The following CDH11 variants were observed in gnomAD, a reference collection of about 807,000 sequenced individuals.
The protein encoded by CDH11 is cadherin-11.
CDH11 carries 11 observed loss-of-function variants against 67.8 expected under a neutral mutation model. The observed-to-expected ratio is 0.16, with a 90% confidence interval of 0.10 to 0.27. The LOEUF (loss-of-function observed/expected upper bound fraction) is 0.27. CDH11 is among the 10% of genes least tolerant of loss of function. The probability of loss-of-function intolerance (pLI) is 1.00; values close to 1 mark genes in which losing one functional copy is unlikely to be tolerated. For missense variants in CDH11, 847 were observed against 1,031.2 expected (o/e 0.82, Z 2.45); for synonymous variants, 419 against 400.0 (o/e 1.05, Z -0.57).
chr16:65,092,590 G>A (rs1597184031), intron 1 of CDH11, among the ~76,000 whole-genome samples: 1 of 152,116 alleles, frequency 6.6e-6, no homozygotes, highest in East Asian at 1.9e-4. Context: ...AGACACAAAG[G>A]AGCTGAGGAA....
At chr16:64,979,721 T>C (rs2072279114) in intron 8 of CDH11, among the ~76,000 whole-genome samples, 1 of 152,112 alleles carries the variant, frequency 6.6e-6, no homozygotes, top group African/African-American at 2.4e-5. Context: ...CACTCCTAGG[T>C]ATATGCCCAG....
intron 1 of CDH11, among the ~76,000 whole-genome samples, chr16:65,054,196 T>C (rs1311612302): frequency 6.6e-6 from 1 of 152,176 alleles, no homozygotes; most frequent in Non-Finnish European, 1.5e-5. Context: ...ACACACAACT[T>C]CTTATAACAT....
chr16:64,957,184 CT>C (rs547640992), intron 11 of CDH11, among the ~76,000 whole-genome samples: 214 of 152,210 alleles, frequency 1.4e-3, no homozygotes, highest in African/African-American at 4.9e-3. Context: ...GATGCTCTTC[CT>C]TACCAATCCT....
Position 65,088,073 on chromosome 16 carries a change from T to C in CDH11, c.-298+33807A>G, listed in dbSNP as rs572079256. On this transcript the variant is annotated intron_variant, in intron 1 of 12. Transcript: ENST00000268603. ...TATTAGAGATGGAGTTTTAGGGAAG[T>C]GGTTAAGTCATGAGGGCTCCAAGCT... Among the ~76,000 whole-genome samples, 21 of 152,228 alleles carry C rather than the reference T, an allele frequency of 1.4e-4. 1 individual carries two copies. In the South Asian group the frequency reaches 3.3e-3, roughly 24 times the overall value.
chr16:64,985,373 C>T (rs1158205879), intron 7 of CDH11: 1 of 151,938 alleles, frequency 6.6e-6, no homozygotes, highest in Non-Finnish European at 1.5e-5. Context: ...TAACATCTCC[C>T]TTGAATTTTA....
chr16:65,015,143 A>G (rs2073275076), intron 2 of CDH11, among the ~76,000 whole-genome samples: 1 of 151,680 alleles, frequency 6.6e-6, no homozygotes, highest in Admixed American at 6.6e-5. Flanking sequence ...GAGTGCTTGG[A>G]TTACAACTGT....
intron 1 of CDH11, among the ~76,000 whole-genome samples, chr16:65,074,785 A>G (rs2074480933): frequency 6.6e-6 from 1 of 152,164 alleles, no homozygotes; most frequent in Non-Finnish European, 1.5e-5. Flanking sequence ...AGTGATAAAG[A>G]CCCACATTCA....
Position 65,004,657 on chromosome 16 carries a change from G to C in CDH11, c.213C>G (p.Pro71=), listed in dbSNP as rs138717482. The C allele has an allele frequency of 3.1e-6, 5 of 1,612,814 alleles. No homozygotes were observed. In the Admixed American group the frequency reaches 8.3e-5, roughly 27 times the overall value. Residue 71 remains proline, a synonymous_variant, in exon 3 of 13, where the codon CCC becomes CCG. Transcript: ENST00000268603. ...GCAGCCTTACCCTGCCCACAAGCAC[G>C]GGGTCAGGCCCGGTGTACTCCTCTA... ...FVIEEYTGPD[P]VLVGRLHSDI...
At chr16:65,018,722 A>G (rs1432387387) in intron 2 of CDH11, among the ~76,000 whole-genome samples, 1 of 152,216 alleles carries the variant, frequency 6.6e-6, no homozygotes, top group Non-Finnish European at 1.5e-5. Context: ...TGTTTTGCTC[A>G]ATATTTATGA....
intron 1 of CDH11, among the ~76,000 whole-genome samples, chr16:65,114,387 G>A (rs1395327311): frequency 6.6e-6 from 1 of 152,114 alleles, no homozygotes. Flanking sequence ...GGAAAACTGA[G>A]GATTTAGAGT....
intron 2 of CDH11, among the ~76,000 whole-genome samples, chr16:65,051,343 A>G (rs146301959): frequency 3.7e-4 from 57 of 152,290 alleles, no homozygotes; most frequent in African/African-American, 1.3e-3. Context: ...ACTACCATCT[A>G]TTTAACAATA....
intron 1 of CDH11, among the ~76,000 whole-genome samples, chr16:65,069,314 C>A (rs1331275607): frequency 6.6e-6 from 1 of 152,202 alleles, no homozygotes; most frequent in African/African-American, 2.4e-5. Context: ...AAAAATATTT[C>A]TGACTAATTT....
chr16:65,031,018 A>AT (rs1353735707), intron 2 of CDH11, among the ~76,000 whole-genome samples: 7 of 152,216 alleles, frequency 4.6e-5, no homozygotes, highest in Non-Finnish European at 8.8e-5. Flanking sequence ...TATGGTGCTA[A>AT]TTGATTGAGG....
At chr16:65,074,763 AAG>A (rs1312777023) in intron 1 of CDH11, among the ~76,000 whole-genome samples, 3 of 152,216 alleles carry the variant, frequency 2.0e-5, no homozygotes, top group Admixed American at 2.0e-4. Context: ...AAGAAAAAGA[AAG>A]AGTTTGAGTA....
chr16:65,064,068 G>T (rs747825017), intron 1 of CDH11, among the ~76,000 whole-genome samples: 11 of 152,198 alleles, frequency 7.2e-5, no homozygotes, highest in Non-Finnish European at 1.6e-4. Flanking sequence ...TTGGCGGCCA[G>T]GGAGGGGTCA....
At position 64,945,520 on chromosome 16, in the gene CDH11, C is replaced by T; in HGVS notation, c.*2083G>A. On this transcript the variant is annotated 3_prime_UTR_variant, in exon 13 of 13. Transcript: ENST00000268603. ...TCATATTCCTTTTGAGTTATTTCTT[C>T]ATTGCAAATTCAATTGGAGATCTGT... The T allele has an allele frequency of 2.9e-6, 3 of 1,032,764 alleles. No homozygotes were observed. The highest frequency in any genetic ancestry group is 3.5e-6 in the Non-Finnish European group (3 of 858,340). The allele number at this position is 1,032,764 out of a possible 1,614,324, so 64.0% of individuals were successfully genotyped here.
At position 64,982,705 on chromosome 16, in the gene CDH11, T is replaced by C. The variant is rs539595585; in HGVS notation, c.1000-404A>G. Reference sequence around the variant, plus strand: ...ACCACTGAATTTCAGCCAAAAAGCATGTCTTGTTTGATGACTGCTTCATAC... The same window carrying C: ...ACCACTGAATTTCAGCCAAAAAGCACGTCTTGTTTGATGACTGCTTCATAC... On this transcript the variant is annotated intron_variant, in intron 7 of 12. Coordinates refer to ENST00000268603, the MANE Select transcript of CDH11 (RefSeq NM_001797.4). 1.6e-4 allele frequency: 27 copies of C among 173,194 alleles called. No individual in the cohort carries two copies. The East Asian group carries it at 4.4e-3, about 29-fold the overall frequency. 10.7% of individuals were successfully genotyped at this position (173,194 alleles called of 1,614,324 possible).
chr16:65,070,687 C>A (rs1162476999), intron 1 of CDH11, among the ~76,000 whole-genome samples: 1 of 152,160 alleles, frequency 6.6e-6, no homozygotes, highest in Non-Finnish European at 1.5e-5. Context: ...CTAGTGCCAG[C>A]ACCTGGTATA....
At chr16:65,100,641 G>A (rs2074974566) in intron 1 of CDH11, among the ~76,000 whole-genome samples, 1 of 151,738 alleles carries the variant, frequency 6.6e-6, no homozygotes, top group Non-Finnish European at 1.5e-5. Context: ...GGGAGGCTGA[G>A]GCAGGAGAAT....
Sources: gnomAD v4.1 joint callset for allele counts (sites outside exome capture counted in the v4.1 genomes callset) on GRCh38, gnomAD v4.1.1 for gene constraint, MANE v1.5 for transcripts, NCBI Gene and HGNC (gene_info 2026-07-23, HGNC 2026-07-21) for gene names.